The following RELN variants were observed in gnomAD, a reference collection of about 807,000 sequenced individuals.
The protein encoded by RELN is reelin.
RELN carries 108 observed loss-of-function variants against 427.6 expected under a neutral mutation model. That is an observed-to-expected ratio of 0.25 (90% CI 0.22 to 0.30). RELN has a LOEUF of 0.30. Ranked by LOEUF, RELN falls within the 10% of genes least tolerant of loss-of-function variation. RELN has a pLI of 1.00. For missense variants in RELN, 3,715 were observed against 4,302.8 expected, an observed-to-expected ratio of 0.86 and a Z score of 3.82; for synonymous variants, 1,524 against 1,513.4, an observed-to-expected ratio of 1.01 and a Z score of -0.16.
intron 6 of RELN, among the ~76,000 whole-genome samples, chr7:103,738,522 C>T (rs1177929338): frequency 6.6e-6 from 1 of 151,924 alleles, no homozygotes. Flanking sequence ...ATAATCATCA[C>T]CCCAGAGAGG....
intron 27 of RELN, among the ~76,000 whole-genome samples, chr7:103,592,368 T>C (rs1267626081): frequency 6.6e-6 from 1 of 152,216 alleles, no homozygotes; most frequent in Non-Finnish European, 1.5e-5. Flanking sequence ...AGTCATGATG[T>C]CATCCTTTTT....
intron 8 of RELN, among the ~76,000 whole-genome samples, chr7:103,714,488 G>A (rs866602032): frequency 7.9e-5 from 12 of 152,100 alleles, no homozygotes; most frequent in African/African-American, 1.9e-4. Context: ...TAGGGAATGC[G>A]GTTGAGTCAA....
In RELN at chr7:103,643,900, G is replaced by A. The variant is rs375044430; in HGVS notation, c.2003-3291C>T. 9.9e-5 allele frequency among the ~76,000 whole-genome samples: 15 copies of A among 151,968 alleles called. No homozygotes were observed. The South Asian group carries it at 3.1e-3, about 32-fold the overall frequency. On this transcript the variant is annotated intron_variant, in intron 16 of 64. Transcript: ENST00000428762. ...GGGAATACAGGCATGTGCCATGCCT[G>A]ACTACCAAAAACATTTAAAAAGAGT...
chr7:103,603,237 T>A lies in RELN; in HGVS notation c.3333+67A>T. ...ATAGAACCACTTCATATTTGTACAT[T>A]TGGAATTCAGAGTCTCATATTAAAC... On this transcript the variant is annotated intron_variant, in intron 24 of 64. Transcript: ENST00000428762. The surrounding 1 kb of genome is among the most constrained non-coding windows in gnomAD (Gnocchi z 4.3). The A allele has an allele frequency of 1.6e-6, 2 of 1,274,620 alleles. No homozygotes were observed. The highest frequency in any genetic ancestry group is 2.3e-6 in the Non-Finnish European group (2 of 871,056). 79.0% of individuals were successfully genotyped at this position (1,274,620 alleles called of 1,614,324 possible).
chr7:103,987,399 G>A (rs1797124828), intron 1 of RELN, among the ~76,000 whole-genome samples: 1 of 152,188 alleles, frequency 6.6e-6, no homozygotes, highest in Admixed American at 6.5e-5. Flanking sequence ...ATTCAAGGGT[G>A]CAAGGGAGCA....
intron 28 of RELN, among the ~76,000 whole-genome samples, chr7:103,586,397 A>G (rs182896942): frequency 1.3e-5 from 2 of 152,166 alleles, no homozygotes; most frequent in East Asian, 3.9e-4. Context: ...AATAAAAGCC[A>G]TATATGACAA....
chr7:103,763,707 TAA>T (rs1436488113), intron 4 of RELN, among the ~76,000 whole-genome samples: 6 of 151,876 alleles, frequency 4.0e-5, no homozygotes, highest in African/African-American at 1.5e-4. Context: ...CCAGCTGAAA[TAA>T]AGAGTCTGGT....
At chr7:103,723,420 G>A (rs150325069) in intron 7 of RELN, among the ~76,000 whole-genome samples, 276 of 152,228 alleles carry the variant, frequency 1.8e-3, no homozygotes, top group Non-Finnish European at 2.9e-3. Context: ...ACTTGGAGAC[G>A]GATAGCATAT....
chr7:103,918,118 T>G (rs947257346), intron 1 of RELN, among the ~76,000 whole-genome samples: 7 of 151,888 alleles, frequency 4.6e-5, no homozygotes, highest in African/African-American at 1.7e-4. Flanking sequence ...CTCCAGAAAA[T>G]CCGGTGAACA....
chr7:103,823,983 T>C (rs1793070081), intron 3 of RELN, among the ~76,000 whole-genome samples: 1 of 152,116 alleles, frequency 6.6e-6, no homozygotes, highest in Non-Finnish European at 1.5e-5. Flanking sequence ...TGTTCCATTG[T>C]CTTCTGGCAT....
rs868014375 is a variant in RELN at position 103,640,872 on chromosome 7, A to G, written c.2003-263T>C. 2.0e-5 allele frequency among the ~76,000 whole-genome samples: 3 copies of G among 152,208 alleles called. No individual in the cohort carries two copies. The South Asian group carries it at 6.2e-4, about 32-fold the overall frequency. Reference sequence around the variant, plus strand: ...AGCTTATGATTTGAATTCTTAATAGAGTCTATTAGACAATATTAGCGCTTC... The same window carrying G: ...AGCTTATGATTTGAATTCTTAATAGGGTCTATTAGACAATATTAGCGCTTC... On this transcript the variant is annotated intron_variant, in intron 16 of 64. Coordinates refer to ENST00000428762, the MANE Select transcript of RELN (RefSeq NM_005045.4). This position sits in a 1 kb window ranked among gnomAD's most constrained non-coding sequence, Gnocchi z 4.1.
intron 10 of RELN, among the ~76,000 whole-genome samples, chr7:103,686,906 T>C (rs1833776372): frequency 6.6e-6 from 1 of 152,176 alleles, no homozygotes; most frequent in African/African-American, 2.4e-5. Context: ...AAGAATTTAA[T>C]GGCAGTTAAA....
At chr7:103,594,114 T>G (rs964159472) in intron 26 of RELN, among the ~76,000 whole-genome samples, 1 of 152,226 alleles carries the variant, frequency 6.6e-6, no homozygotes, top group African/African-American at 2.4e-5. Context: ...ACGATTTTGC[T>G]TGATGATTTA....
chr7:103,543,215 G>A (rs1247121894), intron 42 of RELN, among the ~76,000 whole-genome samples: 1 of 152,150 alleles, frequency 6.6e-6, no homozygotes, highest in Non-Finnish European at 1.5e-5. Context: ...AGGAAGGTGG[G>A]GGCTGTGTAG....
intron 1 of RELN, among the ~76,000 whole-genome samples, chr7:103,979,781 C>G (rs916358306): frequency 7.2e-5 from 11 of 152,168 alleles, no homozygotes; most frequent in African/African-American, 2.7e-4. Context: ...TTTAAAATGT[C>G]CCTCCCCACC....
rs556377666 is a variant in RELN, at chr7:103,734,704, A to T, written c.657-6497T>A. 5.3e-5 allele frequency among the ~76,000 whole-genome samples: 8 copies of T among 152,286 alleles called. No homozygotes were observed. The East Asian group carries it at 1.4e-3, about 26-fold the overall frequency. On this transcript the variant is annotated intron_variant, in intron 6 of 64. Transcript: ENST00000428762. ...TGATGATGAAACAGGACTAGAATTC[A>T]GGTTGCCTGATTTCTTATCCAATAT...
At position 103,551,061 on chromosome 7, in the gene RELN, C is replaced by A; in HGVS notation, c.6302+6G>T. ...ACAAATGTGGCGTCAAGCAGCGGGT[C>A]CTTACCCACAAAGGTGCAGCTTCCC... On this transcript the variant is annotated splice_donor_region_variant and intron_variant, in intron 41 of 64. Coordinates refer to ENST00000428762, the MANE Select transcript of RELN (RefSeq NM_005045.4). The A allele has an allele frequency of 6.2e-7, 1 of 1,609,510 alleles. No individual in the cohort carries two copies. Among genetic ancestry groups the A allele is most frequent in the South Asian group, 1.1e-5 (1 of 90,936 alleles).
intron 38 of RELN, among the ~76,000 whole-genome samples, chr7:103,556,291 A>G (rs1044333470): frequency 2.6e-5 from 4 of 152,150 alleles, no homozygotes; most frequent in African/African-American, 9.7e-5. Flanking sequence ...AATGCAACAA[A>G]AATGTCATTA....
chr7:103,611,867 T>A, intron 20 of RELN, 64 bp from the exon 21 acceptor site: 1 of 1,305,322 alleles, frequency 7.7e-7, no homozygotes, highest in Non-Finnish European at 1.1e-6. Context: ...AAAATTAAAG[T>A]CTTCACTTCA....
Sources: allele counts gnomAD v4.1 joint callset (sites outside exome capture counted in the v4.1 genomes callset), GRCh38; gene constraint gnomAD v4.1.1; non-coding constraint Gnocchi (gnomAD v3.1); transcripts MANE v1.5; gene names NCBI Gene and HGNC (gene_info 2026-07-23, HGNC 2026-07-21).